PRKN: variants seen among roughly 807,000 people sequenced by gnomAD.
PRKN encodes the protein E3 ubiquitin-protein ligase parkin.
Under a neutral mutation model 59.5 loss-of-function variants are expected in PRKN, and 56 were observed. That is an observed-to-expected ratio of 0.94 (90% confidence interval 0.76 to 1.18). The LOEUF is 1.18. PRKN is among the 50% of genes most tolerant of loss of function. The pLI, the probability that PRKN is intolerant of heterozygous loss-of-function variation, is 0.00. For synonymous variants in PRKN, 250 were observed against 222.1 expected, an observed-to-expected ratio of 1.13 and a Z score of -1.12; for missense variants, 657 against 596.4, an observed-to-expected ratio of 1.10 and a Z score of -1.06.
chr6:161,714,540 A>G (rs1475653320), intron 7 of PRKN, among the ~76,000 whole-genome samples: 1 of 152,182 alleles, frequency 6.6e-6, no homozygotes, highest in Non-Finnish European at 1.5e-5. Flanking sequence ...TCAGGGTGAT[A>G]AATTTCTGTT....
chr6:161,972,714 C>T (rs1780866684), intron 6 of PRKN, among the ~76,000 whole-genome samples: 1 of 152,150 alleles, frequency 6.6e-6, no homozygotes, highest in South Asian at 2.1e-4. Context: ...GTATGGGCTA[C>T]ATGTTGTGGT....
At chr6:162,328,674 C>T (rs1783424862) in intron 2 of PRKN, among the ~76,000 whole-genome samples, 1 of 152,146 alleles carries the variant, frequency 6.6e-6, no homozygotes, top group South Asian at 2.1e-4. Flanking sequence ...GCCCTCAGCT[C>T]CTCCTGGAAA....
At chr6:162,264,864 C>G (rs1780057227) in intron 2 of PRKN, 1 of 152,150 alleles carries the variant, frequency 6.6e-6, no homozygotes, top group Non-Finnish European at 1.5e-5. Context: ...ATCTTGAATT[C>G]CTCCTACCTA....
intron 1 of PRKN, among the ~76,000 whole-genome samples, chr6:162,570,406 T>C (rs964822549): frequency 1.3e-5 from 2 of 152,220 alleles, no homozygotes; most frequent in African/African-American, 4.8e-5. Flanking sequence ...TTTTTAGTTT[T>C]GAGGTTCCTC....
Position 161,554,590 on chromosome 6 carries a change from T to C in PRKN, c.934-5587A>G, listed in dbSNP as rs1354919605. Among the ~76,000 whole-genome samples the C allele has an allele frequency of 6.6e-6, 1 of 152,050 alleles. No individual in the cohort carries two copies. Among genetic ancestry groups the C allele is most frequent in the Non-Finnish European group, 1.5e-5 (1 of 68,000 alleles). ...AGTAACAGTTTATTTAGGGCTTTTA[T>C]TCTTGATAATGAGTTTGGCTGCATA... On this transcript the variant is annotated intron_variant, in intron 8 of 11. Transcript: ENST00000366898. The surrounding 1 kb of genome is among the most constrained non-coding windows in gnomAD (Gnocchi z 4.5).
At chr6:161,919,044 G>A (rs1037086969) in intron 6 of PRKN, among the ~76,000 whole-genome samples, 1 of 152,058 alleles carries the variant, frequency 6.6e-6, no homozygotes, top group African/African-American at 2.4e-5. Flanking sequence ...ATCCAACTGA[G>A]GAGAAATGAA....
intron 4 of PRKN, among the ~76,000 whole-genome samples, chr6:162,062,462 T>G (rs1179361905): frequency 1.3e-5 from 2 of 152,170 alleles, no homozygotes; most frequent in Non-Finnish European, 1.5e-5. Context: ...TATGTTTAAG[T>G]ACTAACCCCC....
chr6:162,050,990 T>A (rs375778109), intron 5 of PRKN, among the ~76,000 whole-genome samples: 16 of 152,054 alleles, frequency 1.1e-4, no homozygotes, highest in African/African-American at 3.6e-4. Context: ...GCCAGAAAAT[T>A]CACGAGGCAA....
chr6:162,461,998 T>C (rs193132554), intron 1 of PRKN, among the ~76,000 whole-genome samples: 90 of 152,286 alleles, frequency 5.9e-4, no homozygotes, highest in Non-Finnish European at 9.4e-4. Flanking sequence ...ATTACTCTTT[T>C]AGACAACAAC....
At chr6:162,312,059 A>G (rs1225931642) in intron 2 of PRKN, among the ~76,000 whole-genome samples, 3 of 152,080 alleles carry the variant, frequency 2.0e-5, no homozygotes, top group Non-Finnish European at 2.9e-5. Flanking sequence ...CTTCGCAAAC[A>G]GAAGGCGGCA....
intron 9 of PRKN, among the ~76,000 whole-genome samples, chr6:161,453,139 T>C (rs952925857): frequency 6.6e-6 from 1 of 152,156 alleles, no homozygotes; most frequent in Non-Finnish European, 1.5e-5. Context: ...TGAAAGTTTT[T>C]AAAAAATGGA....
At chr6:161,650,187 G>C (rs1784100927) in intron 7 of PRKN, among the ~76,000 whole-genome samples, 1 of 152,160 alleles carries the variant, frequency 6.6e-6, no homozygotes, top group African/African-American at 2.4e-5. Flanking sequence ...GACCCACAGA[G>C]TCCACGAGCA....
At chr6:161,831,655 G>A (rs1792503667) in intron 6 of PRKN, among the ~76,000 whole-genome samples, 1 of 152,176 alleles carries the variant, frequency 6.6e-6, no homozygotes, top group African/African-American at 2.4e-5. Flanking sequence ...GACTCTTACT[G>A]TCCAGTCTCA....
intron 2 of PRKN, among the ~76,000 whole-genome samples, chr6:162,325,778 GC>G (rs1783240363): frequency 6.6e-6 from 1 of 152,052 alleles, no homozygotes; most frequent in Non-Finnish European, 1.5e-5. Flanking sequence ...CAAGTTTTAT[GC>G]CCTTTAGAAG....
chr6:162,379,156 G>A (rs967815789), intron 2 of PRKN, among the ~76,000 whole-genome samples: 1 of 151,834 alleles, frequency 6.6e-6, no homozygotes, highest in Non-Finnish European at 1.5e-5. Flanking sequence ...ACTATATTTG[G>A]CCTAAAGTTT....
intron 1 of PRKN, among the ~76,000 whole-genome samples, chr6:162,445,742 C>T (rs888372022): frequency 7.9e-6 from 1 of 127,118 alleles, no homozygotes; most frequent in African/African-American, 3.0e-5. Flanking sequence ...ACATTTCTAT[C>T]CCTCATGATT....
rs1169273668 is a variant in PRKN at position 161,409,243 on chromosome 6, CAGG to C, written c.1084-22369_1084-22367del. On this transcript the variant is annotated intron_variant, in intron 9 of 11. Transcript: ENST00000366898. The surrounding 1 kb of genome is among the most constrained non-coding windows in gnomAD (Gnocchi z 4.6). ...ACAGGTGTGAGCCACCACCCCCGGC[CAGG>C]AGAACACATTTTTAAACTCTGTGGT... 6.6e-6 allele frequency among the ~76,000 whole-genome samples: 1 copy of C among 152,158 alleles called. No homozygotes were observed. Among genetic ancestry groups the C allele is most frequent in the Non-Finnish European group, 1.5e-5 (1 of 68,050 alleles).
At chr6:161,821,585 A>G (rs1792025831) in intron 6 of PRKN, among the ~76,000 whole-genome samples, 1 of 152,098 alleles carries the variant, frequency 6.6e-6, no homozygotes, top group African/African-American at 2.4e-5. Context: ...TTCACAGACA[A>G]TGGCAAATTT....
chr6:162,304,489 TTCTATCTATCTATCTATCTATCTATCTA>T (rs6149895), intron 2 of PRKN, among the ~76,000 whole-genome samples: 1 of 128,552 alleles, frequency 7.8e-6, no homozygotes, highest in East Asian at 2.3e-4. Context: ...ACTCATCCAG[TTCTATCTATCTATCTATCTATCTATCTA>T]TCTATCTATC....
Sources: gnomAD v4.1 joint callset for allele counts (sites outside exome capture counted in the v4.1 genomes callset) on GRCh38, gnomAD v4.1.1 for gene constraint, Gnocchi (gnomAD v3.1) non-coding constraint, MANE v1.5 for transcripts, NCBI Gene and HGNC (gene_info 2026-07-23, HGNC 2026-07-21) for gene names.